Variants in FBXL17 observed in about 807,000 individuals in gnomAD.
FBXL17 encodes F-box and leucine rich repeat protein 17.
FBXL17 carries 22 observed loss-of-function variants against 66.2 expected under a neutral mutation model. That is an observed-to-expected ratio of 0.33 (90% CI 0.24 to 0.47). The LOEUF (loss-of-function observed/expected upper bound fraction) is 0.47. Ranked by LOEUF, FBXL17 falls within the 20% of genes least tolerant of loss-of-function variation. The probability of loss-of-function intolerance (pLI) is 1.00; values close to 1 mark genes in which losing one functional copy is unlikely to be tolerated. For synonymous variants in FBXL17, 474 were observed against 400.5 expected, an observed-to-expected ratio of 1.18 and a Z score of -2.19; for missense variants, 878 against 948.2, an observed-to-expected ratio of 0.93 and a Z score of 0.97.
chr5:107,864,781 A>G (rs1748226161), intron 8 of FBXL17, among the ~76,000 whole-genome samples: 1 of 152,184 alleles, frequency 6.6e-6, no homozygotes, highest in Non-Finnish European at 1.5e-5. Flanking sequence ...CCAACACTGC[A>G]CTTCCTGTAC....
chr5:108,379,403 T>A (rs1158572947), intron 1 of FBXL17, among the ~76,000 whole-genome samples: 2 of 152,180 alleles, frequency 1.3e-5, no homozygotes, highest in African/African-American at 4.8e-5. Context: ...CAATTACTCT[T>A]CCAACAAGTA....
intron 4 of FBXL17, among the ~76,000 whole-genome samples, chr5:108,289,595 T>C (rs1435281125): frequency 4.6e-5 from 7 of 152,158 alleles, no homozygotes; most frequent in Non-Finnish European, 1.0e-4. Flanking sequence ...ATGGTGTCTA[T>C]GCTCAAAGAG....
At position 108,378,336 on chromosome 5, in the gene FBXL17, TTTTTGTTTTG is replaced by T. The variant is rs386690909; in HGVS notation, c.993+2353_993+2362del. Among the ~76,000 whole-genome samples the T allele has an allele frequency of 5.3e-5, 8 of 149,814 alleles. No homozygotes were observed. The East Asian group carries it at 1.4e-3, about 25-fold the overall frequency. On this transcript the variant is annotated intron_variant, in intron 1 of 8. Transcript: ENST00000542267. Reference sequence around the variant, plus strand: ...ACCTGCCTCGTTTTTGTTTTTTGTTTTTTTGTTTTGTTTTGTTTTGTTTTTACAGCTATAG... The same window carrying T: ...ACCTGCCTCGTTTTTGTTTTTTGTTTTTTTGTTTTGTTTTTACAGCTATAG...
intron 6 of FBXL17, among the ~76,000 whole-genome samples, chr5:108,050,278 C>T (rs370518989): frequency 6.6e-6 from 1 of 152,182 alleles, no homozygotes; most frequent in African/African-American, 2.4e-5. Context: ...GTTAGTGCCA[C>T]ATGGCACTTA....
At position 108,232,804 on chromosome 5, in the gene FBXL17, T is replaced by TATATATATATATAA. The variant is rs1252750270; in HGVS notation, c.1507-8577_1507-8576insTTATATATATATAT. ...TCACATATATATATATATATATATA[T>TATATATATATATAA]AATATATACTATTAGTTCTGTCCCT... On this transcript the variant is annotated intron_variant, in intron 4 of 8. Coordinates refer to ENST00000542267, the MANE Select transcript of FBXL17 (RefSeq NM_001163315.3). Among the ~76,000 whole-genome samples the TATATATATATATAA allele has an allele frequency of 6.2e-5, 7 of 112,038 alleles. 1 individual carries two copies. Among genetic ancestry groups the TATATATATATATAA allele is most frequent in the Middle Eastern group, 8.8e-3 (2 of 228 alleles). 73.5% of individuals were successfully genotyped at this position (112,038 alleles called of 152,430 possible).
At chr5:108,017,474 C>A (rs1175643652) in intron 7 of FBXL17, among the ~76,000 whole-genome samples, 2 of 152,140 alleles carry the variant, frequency 1.3e-5, no homozygotes, top group African/African-American at 2.4e-5. Flanking sequence ...ACAAGAACTG[C>A]CAATTAGTGA....
chr5:108,069,381 A>T (rs1748245569), intron 6 of FBXL17, among the ~76,000 whole-genome samples: 1 of 152,168 alleles, frequency 6.6e-6, no homozygotes, highest in African/African-American at 2.4e-5. Flanking sequence ...AACATTAAGG[A>T]TATACTATTT....
At chr5:108,013,010 G>A (rs1178109818) in intron 7 of FBXL17, among the ~76,000 whole-genome samples, 3 of 80,080 alleles carry the variant, frequency 3.7e-5, no homozygotes, top group African/African-American at 5.3e-5. Flanking sequence ...GCGAAACTCC[G>A]TCTCAAAAAA....
chr5:107,924,342 A>T (rs533284510), intron 7 of FBXL17, among the ~76,000 whole-genome samples: 1 of 152,310 alleles, frequency 6.6e-6, no homozygotes, highest in East Asian at 1.9e-4. Context: ...CATGGCAGAG[A>T]GCCATATACA....
chr5:108,289,525 G>A (rs141454978), intron 4 of FBXL17, among the ~76,000 whole-genome samples: 30 of 152,132 alleles, frequency 2.0e-4, no homozygotes, highest in African/African-American at 5.5e-4. Flanking sequence ...ATTATTGGCC[G>A]TTCATTAGGT....
At chr5:108,145,993 C>CG (rs1751542168) in intron 6 of FBXL17, among the ~76,000 whole-genome samples, 1 of 151,772 alleles carries the variant, frequency 6.6e-6, no homozygotes, top group Non-Finnish European at 1.5e-5. Flanking sequence ...CCGAGGCGGG[C>CG]GGATCACGAG....
chr5:108,214,624 C>A (rs1754521868), intron 5 of FBXL17, among the ~76,000 whole-genome samples: 1 of 152,112 alleles, frequency 6.6e-6, no homozygotes, highest in Non-Finnish European at 1.5e-5. Flanking sequence ...CCCACCTCGA[C>A]CTCCCAAACT....
chr5:108,350,525 A>C (rs1463927015), intron 3 of FBXL17, among the ~76,000 whole-genome samples: 1 of 152,218 alleles, frequency 6.6e-6, no homozygotes, highest in Non-Finnish European at 1.5e-5. Flanking sequence ...CATAAATGAC[A>C]AAAATAGACA....
At chr5:107,871,387 G>A (rs1481248652) in intron 8 of FBXL17, among the ~76,000 whole-genome samples, 1 of 152,228 alleles carries the variant, frequency 6.6e-6, no homozygotes, top group African/African-American at 2.4e-5. Context: ...AGTGTTAAGT[G>A]AGAATTGGGG....
chr5:108,145,795 T>C (rs1023769791), intron 6 of FBXL17, among the ~76,000 whole-genome samples: 4 of 150,034 alleles, frequency 2.7e-5, no homozygotes, highest in African/African-American at 9.8e-5. Flanking sequence ...TTACAAAATA[T>C]AGCACTAAAT....
At chr5:108,142,159 T>C (rs903076032) in intron 6 of FBXL17, among the ~76,000 whole-genome samples, 3 of 152,236 alleles carry the variant, frequency 2.0e-5, no homozygotes, top group African/African-American at 4.8e-5. Context: ...TAACTCACTT[T>C]GATTGGCATT....
At chr5:107,862,645 C>T (rs1748158652) in intron 8 of FBXL17, among the ~76,000 whole-genome samples, 1 of 152,130 alleles carries the variant, frequency 6.6e-6, no homozygotes, top group Non-Finnish European at 1.5e-5. Context: ...TTTTAGGTAG[C>T]TTTATTTAAA....
chr5:108,056,659 G>A (rs980482323), intron 6 of FBXL17, among the ~76,000 whole-genome samples: 1 of 152,138 alleles, frequency 6.6e-6, no homozygotes, highest in Non-Finnish European at 1.5e-5. Context: ...AAACAATATA[G>A]AAGTTCATAT....
intron 6 of FBXL17, among the ~76,000 whole-genome samples, chr5:108,052,114 A>T (rs78634864): frequency 2.0e-5 from 2 of 101,156 alleles, no homozygotes; most frequent in East Asian, 2.7e-4. Flanking sequence ...CTTCGTCTCA[A>T]AAAAAAAAAA....
Sources: allele counts gnomAD v4.1 joint callset (sites outside exome capture counted in the v4.1 genomes callset), GRCh38; gene constraint gnomAD v4.1.1; transcripts MANE v1.5; gene names NCBI Gene and HGNC (gene_info 2026-07-23, HGNC 2026-07-21).